Variants in NKIRAS1 observed in about 807,000 individuals in gnomAD.
NKIRAS1 encodes NF-kappa-B inhibitor-interacting Ras-like protein 1.
NKIRAS1 carries 16 observed loss-of-function variants against 19.8 expected under a neutral mutation model. The ratio of observed to expected loss-of-function variants is 0.81; its 90% CI spans 0.55 to 1.23. The LOEUF (loss-of-function observed/expected upper bound fraction) is 1.23. Among genes scored for constraint, NKIRAS1 ranks in the 50% most tolerant of loss-of-function variants. NKIRAS1 has a pLI of 0.00. For synonymous variants in NKIRAS1, 88 were observed against 79.0 expected, an observed-to-expected ratio of 1.11 and a Z score of -0.61; for missense variants, 184 against 220.0, an observed-to-expected ratio of 0.84 and a Z score of 1.04.
rs1466392520 is a variant in NKIRAS1 at position 23,893,024 on chromosome 3, A to G, written c.*71T>C. The G allele has an allele frequency of 2.1e-5, 31 of 1,453,780 alleles. No individual in the cohort carries two copies. Among genetic ancestry groups the G allele is most frequent in the Admixed American group, 5.0e-5 (2 of 40,012 alleles). 90.1% of individuals were successfully genotyped at this position (1,453,780 alleles called of 1,614,324 possible). A position where few individuals can be genotyped will look rare whatever the true frequency, so the allele number is the denominator to read the frequency against. ...TACAAATGGCCTATTTTAAATAGTA[A>G]TATTACTCCATGTTCACAGACACTT... On this transcript the variant is annotated 3_prime_UTR_variant, in exon 5 of 5. Transcript: ENST00000425478.
chr3:23,942,477 G>C (rs371679817), intron 1 of NKIRAS1, among the ~76,000 whole-genome samples: 171 of 152,302 alleles, frequency 1.1e-3, no homozygotes, highest in African/African-American at 3.6e-3. Flanking sequence ...TGTTGCCCAG[G>C]CTGGAGTGCA....
At chr3:23,900,366 G>A (rs542458969) in intron 4 of NKIRAS1, among the ~76,000 whole-genome samples, 2 of 152,218 alleles carry the variant, frequency 1.3e-5, no homozygotes, top group African/African-American at 2.4e-5. Context: ...CAGGCAGAGC[G>A]GCTCACACGT....
chr3:23,938,350 C>T (rs1337942010), intron 1 of NKIRAS1, among the ~76,000 whole-genome samples: 2 of 151,936 alleles, frequency 1.3e-5, no homozygotes, highest in Non-Finnish European at 2.9e-5. Flanking sequence ...GCTGGGACCT[C>T]GGGCAGGAGC....
chr3:23,908,188 T>C (rs1703261779), intron 3 of NKIRAS1, among the ~76,000 whole-genome samples: 1 of 152,202 alleles, frequency 6.6e-6, no homozygotes, highest in South Asian at 2.1e-4. Flanking sequence ...AAATGACCAA[T>C]TCACGATGCT....
At chr3:23,919,839 A>C, upstream of NKIRAS1, 2 of 1,028,398 alleles carry the variant, frequency 1.9e-6, no homozygotes, top group Non-Finnish European at 2.3e-6. Flanking sequence ...TGAAACCTGC[A>C]GCTTTATCGG....
At chr3:23,903,933 G>C (rs1258136491) in intron 3 of NKIRAS1, among the ~76,000 whole-genome samples, 1 of 152,196 alleles carries the variant, frequency 6.6e-6, no homozygotes, top group African/African-American at 2.4e-5. Context: ...GGGAGGCCAA[G>C]GTGGGCGGAT....
upstream of NKIRAS1, chr3:23,918,245 A>C (rs1312709349): frequency 2.2e-6 from 2 of 911,058 alleles, no homozygotes; most frequent in African/African-American, 3.4e-5. Context: ...GACTAAAGCA[A>C]AATAAACAGT....
At chr3:23,935,968 A>G (rs937928940) in intron 1 of NKIRAS1, among the ~76,000 whole-genome samples, 36 of 149,852 alleles carry the variant, frequency 2.4e-4, no homozygotes, top group African/African-American at 8.6e-4. Context: ...CTGTAGTTCC[A>G]GCTTCTTGAG....
chr3:23,937,556 G>GT (rs557778906), intron 1 of NKIRAS1, among the ~76,000 whole-genome samples: 3,780 of 143,954 alleles, frequency 0.026, 89 homozygotes, highest in African/African-American at 0.067. Context: ...TGTGTTTGAT[G>GT]TTTTTTTTTT....
chr3:23,942,581 G>A (rs1705521733), intron 1 of NKIRAS1, among the ~76,000 whole-genome samples: 1 of 152,070 alleles, frequency 6.6e-6, no homozygotes, highest in Non-Finnish European at 1.5e-5. Context: ...ACAGGCATGT[G>A]CCACCATGCC....
chr3:23,921,653 C>A (rs745489384), upstream of NKIRAS1: 1 of 653,436 alleles, frequency 1.5e-6, no homozygotes, highest in South Asian at 1.6e-5. Flanking sequence ...CGGCTCACTG[C>A]AACCTCTGTC....
chr3:23,917,647 C>T (rs771316598), upstream of NKIRAS1: 196 of 535,450 alleles, frequency 3.7e-4, 1 homozygote, highest in Admixed American at 1.3e-3. Context: ...GAGCACCGCT[C>T]TGTGCTGGGG....
At position 23,890,065 on chromosome 3, in the gene NKIRAS1, G is replaced by C. The variant is rs548422705; in HGVS notation, c.*3030C>G. 8.5e-5 allele frequency among the ~76,000 whole-genome samples: 13 copies of C among 152,124 alleles called. No homozygotes were observed. The highest frequency in any genetic ancestry group is 1.5e-4 in the Non-Finnish European group (10 of 68,012). On this transcript the variant is annotated 3_prime_UTR_variant, in exon 5 of 5. Coordinates refer to ENST00000425478, the MANE Select transcript of NKIRAS1 (RefSeq NM_020345.4). The stretch of plus-strand genomic sequence containing the variant: ...AACCTGGCTCTTTAACCAGCGTAAA[G>C]GTTAATAGTGTTGCACTGCAACAGC...
At chr3:23,909,861 T>A (rs1004021181) in intron 3 of NKIRAS1, among the ~76,000 whole-genome samples, 1 of 117,666 alleles carries the variant, frequency 8.5e-6, no homozygotes, top group South Asian at 3.2e-4. Flanking sequence ...TTTGTTTTTT[T>A]TTGTTTTTTT....
At chr3:23,935,759 A>G (rs1005432943) in intron 1 of NKIRAS1, among the ~76,000 whole-genome samples, 5 of 152,084 alleles carry the variant, frequency 3.3e-5, no homozygotes, top group Non-Finnish European at 7.4e-5. Context: ...AATGTAGATA[A>G]ATACATCTAT....
At chr3:23,915,541 T>TA (rs1704268518) in intron 1 of NKIRAS1, among the ~76,000 whole-genome samples, 2 of 152,348 alleles carry the variant, frequency 1.3e-5, no homozygotes, top group South Asian at 4.1e-4. Flanking sequence ...TCTCTCCTTT[T>TA]AGCCTCAAAA....
At chr3:23,929,607 T>C (rs1321599608) in intron 1 of NKIRAS1, among the ~76,000 whole-genome samples, 1 of 151,770 alleles carries the variant, frequency 6.6e-6, no homozygotes, top group East Asian at 2.0e-4. Flanking sequence ...TTTTTGTTGT[T>C]GTTGTTTTTG....
intron 4 of NKIRAS1, among the ~76,000 whole-genome samples, chr3:23,897,970 A>T (rs1050512981): frequency 2.0e-5 from 3 of 152,220 alleles, no homozygotes; most frequent in Non-Finnish European, 4.4e-5. Flanking sequence ...TTGAAGAAGC[A>T]TATGAGGAAG....
intron 3 of NKIRAS1, among the ~76,000 whole-genome samples, chr3:23,904,456 A>C (rs1196322551): frequency 6.6e-6 from 1 of 152,166 alleles, no homozygotes; most frequent in African/African-American, 2.4e-5. Context: ...CACTCCCTTC[A>C]ACCTCAAGCC....
Sources: allele counts gnomAD v4.1 joint callset (sites outside exome capture counted in the v4.1 genomes callset), GRCh38; gene constraint gnomAD v4.1.1; transcripts MANE v1.5; gene names NCBI Gene and HGNC (gene_info 2026-07-23, HGNC 2026-07-21).